Variants in PLEKHM3 observed in about 807,000 individuals in gnomAD.
The protein encoded by PLEKHM3 is pleckstrin homology domain containing M3.
PLEKHM3 carries 45 observed loss-of-function variants against 81.8 expected under a neutral mutation model. That is an observed-to-expected ratio of 0.55 (90% confidence interval 0.43 to 0.71). The LOEUF (loss-of-function observed/expected upper bound fraction) is 0.71. Among genes scored for constraint, PLEKHM3 ranks in the 30% least tolerant of loss-of-function variants. PLEKHM3 has a pLI of 0.00. For missense variants in PLEKHM3, 788 were observed against 924.3 expected (o/e 0.85, Z 1.91); for synonymous variants, 352 against 356.4 (o/e 0.99, Z 0.14).
chr2:207,855,644 C>T (rs960277111), intron 7 of PLEKHM3, among the ~76,000 whole-genome samples: 1 of 152,062 alleles, frequency 6.6e-6, no homozygotes. Context: ...TCGTATGTTC[C>T]CTTGATATGA....
chr2:207,956,426 T>C (rs1304354343), intron 3 of PLEKHM3, among the ~76,000 whole-genome samples: 1 of 151,658 alleles, frequency 6.6e-6, no homozygotes, highest in African/African-American at 2.4e-5. Context: ...TGAGCCAAGA[T>C]TGAACCATTG....
At chr2:207,897,076 T>G (rs939352910) in intron 6 of PLEKHM3, among the ~76,000 whole-genome samples, 9 of 152,190 alleles carry the variant, frequency 5.9e-5, no homozygotes, top group Non-Finnish European at 1.2e-4. Context: ...GCTCTCCAGG[T>G]GCAATTCCCC....
intron 6 of PLEKHM3, among the ~76,000 whole-genome samples, chr2:207,898,809 T>C (rs965759688): frequency 6.6e-6 from 1 of 151,998 alleles, no homozygotes; most frequent in Non-Finnish European, 1.5e-5. Flanking sequence ...GATGGGAGGA[T>C]TGCTCGGGCT....
At chr2:207,833,739 C>A (rs2092301799) in intron 7 of PLEKHM3, among the ~76,000 whole-genome samples, 1 of 152,186 alleles carries the variant, frequency 6.6e-6, no homozygotes, top group South Asian at 2.1e-4. Context: ...GCGGGCAAAA[C>A]CATCCCTGTT....
chr2:207,836,207 C>T (rs1392889073), intron 7 of PLEKHM3, among the ~76,000 whole-genome samples: 1 of 151,808 alleles, frequency 6.6e-6, no homozygotes, highest in Non-Finnish European at 1.5e-5. Context: ...GCCTGTAATC[C>T]CAGCTACTTA....
At chr2:207,835,545 T>A (rs1426954279) in intron 7 of PLEKHM3, among the ~76,000 whole-genome samples, 1 of 152,172 alleles carries the variant, frequency 6.6e-6, no homozygotes, top group African/African-American at 2.4e-5. Flanking sequence ...CCAAGGTCTG[T>A]GAGTTAATGA....
intron 2 of PLEKHM3, among the ~76,000 whole-genome samples, chr2:207,980,678 C>T (rs1162329034): frequency 6.6e-6 from 1 of 152,108 alleles, no homozygotes. Flanking sequence ...AAGCAATCCT[C>T]TCACCTCAGC....
chr2:208,001,693 A>T lies in PLEKHM3; in HGVS notation c.-54T>A. On this transcript the variant is annotated 5_prime_UTR_variant, in exon 2 of 8. It removes an upstream start codon present in the reference 5' UTR. Coordinates refer to ENST00000427836, the MANE Select transcript of PLEKHM3 (RefSeq NM_001080475.3). The stretch of plus-strand genomic sequence containing the variant: ...CTAAGCTGGTTCCAGAAATGGCTTC[A>T]TGAACATTCACCCAACCAAGAGGGG... The T allele has an allele frequency of 6.4e-7, 1 of 1,554,516 alleles. No homozygotes were observed. Among genetic ancestry groups the T allele is most frequent in the Non-Finnish European group, 8.6e-7 (1 of 1,157,078 alleles).
At chr2:207,852,698 G>C (rs2092418782) in intron 7 of PLEKHM3, 1 of 401,972 alleles carries the variant, frequency 2.5e-6, no homozygotes, top group South Asian at 1.8e-5. Context: ...ACTCAAAAGA[G>C]GGGAGGGAGG....
At chr2:207,882,085 C>T (rs1255160413) in intron 6 of PLEKHM3, among the ~76,000 whole-genome samples, 1 of 152,138 alleles carries the variant, frequency 6.6e-6, no homozygotes, top group South Asian at 2.1e-4. Flanking sequence ...AACTCAAACC[C>T]CTTTAAAGAG....
intron 3 of PLEKHM3, among the ~76,000 whole-genome samples, chr2:207,967,767 C>A (rs181373305): frequency 6.6e-4 from 101 of 152,228 alleles, no homozygotes; most frequent in Admixed American, 6.3e-3. Flanking sequence ...TCCTTTAACT[C>A]AATTTATTCT....
At chr2:207,937,951 C>T (rs966184772) in intron 4 of PLEKHM3, among the ~76,000 whole-genome samples, 2 of 152,208 alleles carry the variant, frequency 1.3e-5, no homozygotes, top group African/African-American at 4.8e-5. Context: ...CCAAATGACT[C>T]TGATCAAGAG....
intron 3 of PLEKHM3, among the ~76,000 whole-genome samples, chr2:207,951,277 T>C (rs777743857): frequency 2.2e-4 from 34 of 152,126 alleles, no homozygotes; most frequent in Admixed American, 5.2e-4. Flanking sequence ...GGAAGAAAAA[T>C]AGAGCTGTAA....
At chr2:207,883,916 G>T (rs1292024805) in intron 6 of PLEKHM3, among the ~76,000 whole-genome samples, 1 of 152,094 alleles carries the variant, frequency 6.6e-6, no homozygotes, top group Non-Finnish European at 1.5e-5. Context: ...CAATGTAACA[G>T]ACCATATTAA....
chr2:208,025,334 C>T (rs1036414177), intron 1 of PLEKHM3, 55 bp downstream of exon 1: 2 of 152,416 alleles, frequency 1.3e-5, no homozygotes, highest in African/African-American at 4.8e-5. Flanking sequence ...CAGTCGTCCC[C>T]ACCCCATCCC....
chr2:208,007,061 C>T (rs559441564), intron 1 of PLEKHM3, among the ~76,000 whole-genome samples: 9 of 152,238 alleles, frequency 5.9e-5, no homozygotes, highest in South Asian at 2.1e-4. Flanking sequence ...CTGAGCTGGA[C>T]GGTAAAAGCG....
intron 7 of PLEKHM3, among the ~76,000 whole-genome samples, chr2:207,841,480 A>ATATATATAT (rs1284378924): frequency 5.3e-5 from 2 of 37,416 alleles, no homozygotes; most frequent in Non-Finnish European, 9.2e-5. Flanking sequence ...AAAAAAAAAA[A>ATATATATAT]ATATATATAT....
At chr2:208,005,796 T>C (rs756220421) in intron 1 of PLEKHM3, among the ~76,000 whole-genome samples, 1 of 152,206 alleles carries the variant, frequency 6.6e-6, no homozygotes, top group Admixed American at 6.5e-5. Flanking sequence ...ATACATGGAA[T>C]AGTGTTTGGC....
chr2:208,002,965 T>A (rs1297960059), intron 1 of PLEKHM3, among the ~76,000 whole-genome samples: 1 of 151,830 alleles, frequency 6.6e-6, no homozygotes, highest in Admixed American at 6.6e-5. Context: ...CCTTAACTAC[T>A]TATAAGTAGG....
Sources: gnomAD v4.1 joint callset for allele counts (sites outside exome capture counted in the v4.1 genomes callset) on GRCh38, gnomAD v4.1.1 for gene constraint, MANE v1.5 for transcripts, NCBI Gene and HGNC (gene_info 2026-07-23, HGNC 2026-07-21) for gene names.